The following GOLM2 variants were observed in gnomAD, a reference collection of about 807,000 sequenced individuals.
GOLM2 encodes the protein golgi membrane protein 2, also known as protein GOLM2.
GOLM2 carries 26 observed loss-of-function variants against 55.9 expected under a neutral mutation model. The ratio of observed to expected loss-of-function variants is 0.47; its 90% confidence interval spans 0.34 to 0.65. The LOEUF is 0.65. GOLM2 is among the 30% of genes least tolerant of loss of function. The probability of loss-of-function intolerance (pLI) is 0.01; values close to 1 mark genes in which losing one functional copy is unlikely to be tolerated. For synonymous variants in GOLM2, 165 were observed against 194.6 expected, an observed-to-expected ratio of 0.85 and a Z score of 1.27; for missense variants, 486 against 531.8, an observed-to-expected ratio of 0.91 and a Z score of 0.85.
In GOLM2 at chr15:44,368,732, T is replaced by TATATAC. The variant is rs750152686; in HGVS notation, c.803-10940_803-10935dup. On this transcript the variant is annotated intron_variant, in intron 6 of 9. Transcript: ENST00000299957. ...ATATATATACACATATACACACATA[T>TATATAC]ATATACATATACATATACATATATA... Among the ~76,000 whole-genome samples the TATATAC allele has an allele frequency of 1.5e-3, 225 of 151,722 alleles. 1 individual carries two copies. Among genetic ancestry groups the TATATAC allele is most frequent in the African/African-American group, 3.8e-3 (158 of 41,396 alleles).
intron 2 of GOLM2, among the ~76,000 whole-genome samples, chr15:44,327,174 C>T (rs2141135326): frequency 6.6e-6 from 1 of 150,398 alleles, no homozygotes; most frequent in South Asian, 2.2e-4. Flanking sequence ...TGGTCTCGAA[C>T]TCCTGACCTC....
intron 6 of GOLM2, among the ~76,000 whole-genome samples, chr15:44,350,043 A>C (rs562910727): frequency 6.6e-6 from 1 of 152,178 alleles, no homozygotes; most frequent in Non-Finnish European, 1.5e-5. Context: ...AAAAAAGAAG[A>C]AAAACTTCAA....
At chr15:44,343,650 A>G (rs1174728489) in intron 6 of GOLM2, among the ~76,000 whole-genome samples, 2 of 151,220 alleles carry the variant, frequency 1.3e-5, no homozygotes, top group Non-Finnish European at 2.9e-5. Context: ...ACATGGTGAA[A>G]CCCCGTCTGT....
rs1250496217 is a variant in GOLM2, at chr15:44,412,070, G to C, written c.1241-1266G>C. Among the ~76,000 whole-genome samples, 3 of 152,066 alleles carry C rather than the reference G, an allele frequency of 2.0e-5. No homozygotes were observed. In the South Asian group the frequency reaches 6.2e-4, roughly 32 times the overall value. On this transcript the variant is annotated intron_variant, in intron 9 of 9. Coordinates refer to ENST00000299957, the MANE Select transcript of GOLM2 (RefSeq NM_138423.4). The stretch of plus-strand genomic sequence containing the variant: ...GGTCCCAGCTACCTGGGAGGTTGAG[G>C]TGGGAGGATTACTTGAGGCCGGGAG...
At chr15:44,328,550 A>G in intron 2 of GOLM2, 135 bp from the exon 3 acceptor site, 1 of 566,394 alleles carries the variant, frequency 1.8e-6, no homozygotes, top group Non-Finnish European at 3.1e-6. Flanking sequence ...TGTTTGTTAT[A>G]TAATTTAATT....
chr15:44,358,181 C>T (rs577527885), intron 6 of GOLM2, among the ~76,000 whole-genome samples: 10 of 152,274 alleles, frequency 6.6e-5, no homozygotes, highest in African/African-American at 1.7e-4. Flanking sequence ...TGGCAAAACC[C>T]TGTCTCTACT....
At chr15:44,320,167 T>C (rs1336850320) in intron 1 of GOLM2, among the ~76,000 whole-genome samples, 2 of 152,242 alleles carry the variant, frequency 1.3e-5, no homozygotes, top group Non-Finnish European at 2.9e-5. Context: ...ATCAATGCTA[T>C]CAGATAATAT....
intron 3 of GOLM2, among the ~76,000 whole-genome samples, chr15:44,331,364 T>G (rs1247235043): frequency 6.6e-6 from 1 of 152,154 alleles, no homozygotes; most frequent in Admixed American, 6.5e-5. Flanking sequence ...AAGTTAACAT[T>G]TTTCTATATG....
chr15:44,325,755 A>C (rs1008813190), intron 2 of GOLM2, among the ~76,000 whole-genome samples: 10 of 152,154 alleles, frequency 6.6e-5, no homozygotes, highest in African/African-American at 1.4e-4. Flanking sequence ...ACTGCTTCCT[A>C]CTGTGATCTC....
chr15:44,391,310 C>T (rs777635674), intron 8 of GOLM2, among the ~76,000 whole-genome samples: 4 of 151,682 alleles, frequency 2.6e-5, no homozygotes, highest in Admixed American at 6.6e-5. Flanking sequence ...GTCGGGAGAT[C>T]GAGACCATCC....
chr15:44,305,605 A>G (rs1038944975), intron 1 of GOLM2, among the ~76,000 whole-genome samples: 6 of 152,122 alleles, frequency 3.9e-5, no homozygotes, highest in African/African-American at 1.4e-4. Context: ...GCCTCTACAA[A>G]TGTTCTTAAT....
At chr15:44,377,435 G>A (rs1475879143) in intron 6 of GOLM2, among the ~76,000 whole-genome samples, 2 of 152,184 alleles carry the variant, frequency 1.3e-5, no homozygotes, top group South Asian at 4.2e-4. Flanking sequence ...CAGTGCCGCG[G>A]CCTTGGCTCA....
At chr15:44,340,458 C>CTGTT (rs1265458031) in intron 6 of GOLM2, among the ~76,000 whole-genome samples, 1 of 151,862 alleles carries the variant, frequency 6.6e-6, no homozygotes, top group Non-Finnish European at 1.5e-5. Context: ...CGGTGCCTCA[C>CTGTT]TGTTGCCCAG....
Position 44,379,754 on chromosome 15 carries a change from A to G in GOLM2, c.867A>G (p.Pro289=). 1 of 1,612,320 alleles carries G rather than the reference A, an allele frequency of 6.2e-7. No homozygotes were observed. Among genetic ancestry groups the G allele is most frequent in the Non-Finnish European group, 8.5e-7 (1 of 1,178,764 alleles). ...GTCATCAAGCAATCTCCCATCTTCC[A>G]ACTGGACAACCTCTCTCCCCAAATA... ...HESHQAISHL[P]TGQPLSPNMP... Residue 289 remains proline, a synonymous_variant, in exon 7 of 10, where the codon CCA becomes CCG. Transcript: ENST00000299957.
intron 1 of GOLM2, among the ~76,000 whole-genome samples, chr15:44,303,370 A>G (rs2078812906): frequency 6.6e-6 from 1 of 152,172 alleles, no homozygotes; most frequent in Non-Finnish European, 1.5e-5. Flanking sequence ...TTGTCAACTC[A>G]TCTTTCTAGT....
chr15:44,334,799 A>C (rs183332797), intron 4 of GOLM2, among the ~76,000 whole-genome samples: 1 of 152,326 alleles, frequency 6.6e-6, no homozygotes, highest in African/African-American at 2.4e-5. Flanking sequence ...TGGGAGGCCA[A>C]GGTGGGTGGA....
chr15:44,335,924 C>G (rs1046394543), intron 4 of GOLM2, among the ~76,000 whole-genome samples: 1 of 150,946 alleles, frequency 6.6e-6, no homozygotes, highest in Admixed American at 6.6e-5. Flanking sequence ...AAGCGATTCT[C>G]CTGCCTCAGC....
Position 44,355,103 on chromosome 15 carries a change from C to T in GOLM2, c.802+16786C>T, listed in dbSNP as rs575051230. 9 of 179,140 alleles carry T rather than the reference C, an allele frequency of 5.0e-5. No homozygotes were observed. The South Asian group carries it at 9.0e-4, about 18-fold the overall frequency. The allele number at this position is 179,140 out of a possible 1,614,324, so 11.1% of individuals were successfully genotyped here. Reference sequence around the variant, plus strand: ...TGATGGGCATGAACCATGAGAAGTACGAAAGCAACCTCACAATCATCAGCA... The same window carrying T: ...TGATGGGCATGAACCATGAGAAGTATGAAAGCAACCTCACAATCATCAGCA... On this transcript the variant is annotated intron_variant, in intron 6 of 9. Coordinates refer to ENST00000299957, the MANE Select transcript of GOLM2 (RefSeq NM_138423.4).
rs71421830 is a variant in GOLM2 at position 44,295,917 on chromosome 15, TACACAC to T, written c.327+6587_327+6592del. Among the ~76,000 whole-genome samples, 170 of 143,148 alleles carry T rather than the reference TACACAC, an allele frequency of 1.2e-3. 1 individual carries two copies. Among genetic ancestry groups the T allele is most frequent in the African/African-American group, 4.2e-3 (162 of 38,850 alleles). The allele number at this position is 143,148 out of a possible 152,430, so 93.9% of individuals were successfully genotyped here. A position where few individuals can be genotyped will look rare whatever the true frequency, so the allele number is the denominator to read the frequency against. ...TAGAACAAGGGAGATCCACCACACATACACACACACACACACACACACACACACACA... is the reference window on the plus strand; with the variant it reads ...TAGAACAAGGGAGATCCACCACACATACACACACACACACACACACACACA... On this transcript the variant is annotated intron_variant, in intron 1 of 9. Transcript: ENST00000299957.
Sources: gnomAD v4.1 joint callset for allele counts (sites outside exome capture counted in the v4.1 genomes callset) on GRCh38, gnomAD v4.1.1 for gene constraint, MANE v1.5 for transcripts, NCBI Gene and HGNC (gene_info 2026-07-23, HGNC 2026-07-21) for gene names.